NEGR1: variants seen among roughly 807,000 people sequenced by gnomAD.
NEGR1 encodes the protein neuronal growth regulator 1.
A neutral mutation model predicts 40.9 loss-of-function variants in NEGR1; 10 were observed. That is an observed-to-expected ratio of 0.24 (90% CI 0.15 to 0.42). The LOEUF is 0.42. NEGR1 is among the 10% of genes least tolerant of loss of function. The pLI, the probability that NEGR1 is intolerant of heterozygous loss-of-function variation, is 1.00. For missense variants in NEGR1, 352 were observed against 438.9 expected (o/e 0.80, Z 1.77); for synonymous variants, 185 against 166.8 (o/e 1.11, Z -0.84).
intron 2 of NEGR1, among the ~76,000 whole-genome samples, chr1:71,830,712 C>A (rs473019): frequency 6.6e-6 from 1 of 151,892 alleles, no homozygotes; most frequent in Admixed American, 6.6e-5. Context: ...GGATACTACT[C>A]GACTTTGTTC....
At chr1:71,930,319 A>T (rs1645843217) in intron 2 of NEGR1, among the ~76,000 whole-genome samples, 1 of 152,196 alleles carries the variant, frequency 6.6e-6, no homozygotes, top group East Asian at 1.9e-4. Context: ...TAACAGGATC[A>T]GAGTACTGAG....
chr1:71,755,744 T>C (rs959608122), intron 3 of NEGR1, among the ~76,000 whole-genome samples: 1 of 152,182 alleles, frequency 6.6e-6, no homozygotes, highest in Non-Finnish European at 1.5e-5. Context: ...TGTTAATGTG[T>C]AATTTTTTTC....
intron 1 of NEGR1, among the ~76,000 whole-genome samples, chr1:72,076,918 C>T (rs1485480283): frequency 2.5e-4 from 15 of 59,002 alleles, no homozygotes; most frequent in Non-Finnish European, 3.7e-4. Flanking sequence ...TTTTGGAAAA[C>T]AGAGTGTCGG....
chr1:72,064,175 C>T (rs1373680033), intron 1 of NEGR1, among the ~76,000 whole-genome samples: 3 of 151,840 alleles, frequency 2.0e-5, no homozygotes, highest in African/African-American at 7.3e-5. Flanking sequence ...GTAATTAGGT[C>T]TGTGTCATTT....
intron 2 of NEGR1, among the ~76,000 whole-genome samples, chr1:71,786,579 A>G (rs1016934355): frequency 1.5e-4 from 23 of 152,150 alleles, no homozygotes; most frequent in African/African-American, 5.3e-4. Context: ...CTGAGAGACT[A>G]ATGACTTATT....
intron 1 of NEGR1, among the ~76,000 whole-genome samples, chr1:72,085,451 G>A (rs1397029125): frequency 6.6e-6 from 1 of 152,130 alleles, no homozygotes; most frequent in Non-Finnish European, 1.5e-5. Context: ...TTTTGAAAAT[G>A]TTTTAAACAA....
intron 1 of NEGR1, among the ~76,000 whole-genome samples, chr1:71,942,457 A>ATATATATATATATATC (rs1645969107): frequency 3.6e-4 from 2 of 5,542 alleles, no homozygotes; most frequent in African/African-American, 9.9e-4. Flanking sequence ...CTTTAAATCT[A>ATATATATATATATATC]TATATATATA....
At chr1:71,931,887 C>T (rs1246975889) in intron 2 of NEGR1, among the ~76,000 whole-genome samples, 1 of 152,084 alleles carries the variant, frequency 6.6e-6, no homozygotes, top group Non-Finnish European at 1.5e-5. Context: ...CACTTTTATA[C>T]TTATAAACAA....
chr1:71,870,730 T>C (rs1485353176), intron 2 of NEGR1, among the ~76,000 whole-genome samples: 1 of 152,236 alleles, frequency 6.6e-6, no homozygotes, highest in Admixed American at 6.5e-5. Flanking sequence ...CCTATGAATG[T>C]GACCATTATC....
At chr1:71,467,189 T>C (rs1456097873) in intron 6 of NEGR1, among the ~76,000 whole-genome samples, 1 of 152,056 alleles carries the variant, frequency 6.6e-6, no homozygotes, top group African/African-American at 2.4e-5. Context: ...TTGGATTATT[T>C]TGTGAGGTTA....
chr1:71,852,182 C>T (rs1356471491), intron 2 of NEGR1, among the ~76,000 whole-genome samples: 2 of 152,064 alleles, frequency 1.3e-5, no homozygotes, highest in South Asian at 2.1e-4. Context: ...AAAGTCAATG[C>T]TACATAATAA....
intron 5 of NEGR1, among the ~76,000 whole-genome samples, chr1:71,594,056 A>G (rs1619317): frequency 0.89 from 136,180 of 152,204 alleles, 62,284 homozygotes; most frequent in Non-Finnish European, 1. Flanking sequence ...TCCTATATAC[A>G]TAATAAATAG....
At chr1:72,040,229 A>G (rs1646940078) in intron 1 of NEGR1, among the ~76,000 whole-genome samples, 1 of 151,908 alleles carries the variant, frequency 6.6e-6, no homozygotes, top group South Asian at 2.1e-4. Flanking sequence ...CGAATCCCGC[A>G]TCGTAACTTA....
chr1:71,926,979 A>G lies in NEGR1; in HGVS notation c.409+8100T>C, dbSNP rs1645780345. The stretch of plus-strand genomic sequence containing the variant: ...CCCAACTGTAGAAAAGTAATGTTCA[A>G]TAATTCTGAATATTAGAATATTTAG... On this transcript the variant is annotated intron_variant, in intron 2 of 6. Transcript: ENST00000357731. Among the ~76,000 whole-genome samples the G allele has an allele frequency of 2.0e-5, 3 of 152,158 alleles. No individual in the cohort carries two copies. The South Asian group carries it at 6.2e-4, about 31-fold the overall frequency.
At chr1:72,052,696 C>T (rs1172222195) in intron 1 of NEGR1, among the ~76,000 whole-genome samples, 1 of 151,380 alleles carries the variant, frequency 6.6e-6, no homozygotes, top group Non-Finnish European at 1.5e-5. Flanking sequence ...TTGATTCTTG[C>T]TCTTTTTACT....
At chr1:71,592,220 C>T (rs1167421513) in intron 6 of NEGR1, among the ~76,000 whole-genome samples, 2 of 151,976 alleles carry the variant, frequency 1.3e-5, no homozygotes, top group African/African-American at 2.4e-5. Context: ...GTTTGTGCTT[C>T]TTTATTAATT....
At chr1:71,883,454 T>C (rs1044872092) in intron 2 of NEGR1, among the ~76,000 whole-genome samples, 1 of 152,102 alleles carries the variant, frequency 6.6e-6, no homozygotes, top group African/African-American at 2.4e-5. Context: ...AGAAGTTATG[T>C]TACAGATAAA....
intron 6 of NEGR1, among the ~76,000 whole-genome samples, chr1:71,522,871 T>G (rs1290684453): frequency 6.6e-6 from 1 of 151,562 alleles, no homozygotes; most frequent in Non-Finnish European, 1.5e-5. Flanking sequence ...TAAAAAACAA[T>G]AAGTAAATGT....
chr1:72,010,147 C>T (rs969240883), intron 1 of NEGR1, among the ~76,000 whole-genome samples: 3 of 152,108 alleles, frequency 2.0e-5, no homozygotes, highest in Admixed American at 1.3e-4. Flanking sequence ...AGAGTCAAAA[C>T]AGGTGTTTGG....
Sources: gnomAD v4.1 joint callset for allele counts (sites outside exome capture counted in the v4.1 genomes callset) on GRCh38, gnomAD v4.1.1 for gene constraint, MANE v1.5 for transcripts, NCBI Gene and HGNC (gene_info 2026-07-23, HGNC 2026-07-21) for gene names.